Variants in DPF1 observed in about 807,000 individuals in gnomAD.
DPF1 encodes the protein zinc finger protein neuro-d4.
In DPF1, 14 loss-of-function variants were observed where a neutral mutation model predicts 58.7. The observed-to-expected ratio is 0.24, with a 90% CI of 0.16 to 0.37. The LOEUF is 0.37. Among genes scored for constraint, DPF1 ranks in the 10% least tolerant of loss-of-function variants. The pLI, the probability that DPF1 is intolerant of heterozygous loss-of-function variation, is 1.00. For synonymous variants in DPF1, 216 were observed against 216.0 expected (o/e 1.00, Z 0.00); for missense variants, 345 against 529.9 (o/e 0.65, Z 3.43).
At chr19:38,217,108 G>A (rs1344267444) in intron 7 of DPF1, among the ~76,000 whole-genome samples, 2 of 152,108 alleles carry the variant, frequency 1.3e-5, no homozygotes, top group African/African-American at 4.8e-5. Flanking sequence ...TGGCAAGGGC[G>A]GAAGCCAAGG....
intron 1 of DPF1, 127 bp downstream of exon 1, chr19:38,223,987 C>G (rs1403740382): frequency 1.6e-6 from 2 of 1,257,832 alleles, no homozygotes; most frequent in African/African-American, 3.1e-5. Context: ...CTCGCACCCC[C>G]GCGCAGCCCC....
At chr19:38,226,378 C>G (rs1490884125), upstream of DPF1, among the ~76,000 whole-genome samples, 1 of 149,728 alleles carries the variant, frequency 6.7e-6, no homozygotes, top group Non-Finnish European at 1.5e-5. Context: ...CGCCCACAAA[C>G]GCCCTCATCC....
chr19:38,222,393 C>T lies in DPF1; in HGVS notation c.262G>A (p.Glu88Lys), dbSNP rs1967553947. The T allele has an allele frequency of 1.3e-6, 2 of 1,589,058 alleles. No homozygotes were observed. Among genetic ancestry groups the T allele is most frequent in the African/African-American group, 1.4e-5 (1 of 71,890 alleles). The change falls in exon 3 of 12, where the codon GAG (glutamate) becomes AAG (lysine). Residue 88 changes from glutamate to lysine, a missense_variant. Glu to Lys is a moderately conservative substitution (Grantham distance 56, BLOSUM62 1). Transcript: ENST00000355526. This position sits in a 1 kb window ranked among gnomAD's most constrained non-coding sequence, Gnocchi z 4.9. Reference protein sequence around the residue: ...WRKKRRLNILEDPRLRPCEYK... With the variant: ...WRKKRRLNILKDPRLRPCEYK... Reference sequence around the variant, plus strand: ...TCGCAGGGCCTGAGTCTGGGGTCCTCCAGGATGTTGAGTCTCCGTTTCTTC... The same window carrying T: ...TCGCAGGGCCTGAGTCTGGGGTCCTTCAGGATGTTGAGTCTCCGTTTCTTC...
intron 11 of DPF1, 43 bp downstream of exon 11, chr19:38,212,237 T>TGGGGGGGGGGGGGGGGGGGC: frequency 8.0e-7 from 1 of 1,256,804 alleles, no homozygotes; most frequent in Non-Finnish European, 1.1e-6. Flanking sequence ...GGAGATGGCG[T>TGGGGGGGGGGGGGGGGGGGC]TCCCACCCAC....
intron 9 of DPF1, among the ~76,000 whole-genome samples, chr19:38,214,148 C>T (rs1203420017): frequency 6.6e-6 from 1 of 152,188 alleles, no homozygotes; most frequent in Non-Finnish European, 1.5e-5. Context: ...ACCACAGCAA[C>T]GTGGCAACCA....
chr19:38,225,669 A>T (rs1967786857), upstream of DPF1, among the ~76,000 whole-genome samples: 1 of 151,994 alleles, frequency 6.6e-6, no homozygotes, highest in Non-Finnish European at 1.5e-5. Context: ...CTGAGATGAG[A>T]GGACCGCTTG....
Position 38,219,032 on chromosome 19 carries a change from C to T in DPF1, c.325G>A (p.Gly109Ser). ...IDCEAPLKKE[G>S]GLPEGPVLEA... ...AGGACCGGCCCTTCCGGGAGGCCAC[C>T]CTCCTTCTTCAGGGGTGCTTCACAG... is the stretch of plus-strand genomic sequence containing the variant. The change falls in exon 4 of 12, where the codon GGT becomes AGT. Residue 109 changes from glycine to serine, a missense_variant. By Grantham distance (56) the Gly-to-Ser change is moderately conservative. Transcript: ENST00000355526. 6.2e-7 allele frequency: 1 copy of T among 1,614,140 alleles called. No individual in the cohort carries two copies. The highest frequency in any genetic ancestry group is 1.1e-5 in the South Asian group (1 of 91,088).
At chr19:38,212,220 A>G (rs1027650110) in intron 11 of DPF1, 60 bp downstream of exon 11, 1 of 1,503,650 alleles carries the variant, frequency 6.7e-7, no homozygotes, top group Non-Finnish European at 9.0e-7. Context: ...ACAGTCTTCC[A>G]CAACCAGGAG....
At chr19:38,224,294 C>A (rs1364260740), upstream of DPF1, 4 of 1,265,226 alleles carry the variant, frequency 3.2e-6, no homozygotes, top group Admixed American at 1.3e-4. The surrounding 1 kb of genome is among the most constrained non-coding windows in gnomAD (Gnocchi z 4.5). Flanking sequence ...CCCGCCCGGG[C>A]CATGCTGGGA....
intron 3 of DPF1, among the ~76,000 whole-genome samples, chr19:38,221,066 G>A (rs545533448): frequency 6.6e-6 from 1 of 152,172 alleles, no homozygotes; most frequent in Non-Finnish European, 1.5e-5. Flanking sequence ...AGACACACTC[G>A]GGAGGAGCCG....
At chr19:38,225,028 A>G (rs1217474503), upstream of DPF1, among the ~76,000 whole-genome samples, 1 of 152,218 alleles carries the variant, frequency 6.6e-6, no homozygotes, top group Non-Finnish European at 1.5e-5. Flanking sequence ...AGGCAGGTGG[A>G]TCACCTGAGG....
At chr19:38,218,905 CG>C (rs762251772) in intron 4 of DPF1, 25 bp downstream of exon 4, 4 of 1,612,696 alleles carry the variant, frequency 2.5e-6, no homozygotes, top group Non-Finnish European at 3.4e-6. Flanking sequence ...AGCCATGCAG[CG>C]GGGGTCCCCC....
intron 3 of DPF1, 112 bp from the exon 4 acceptor site, chr19:38,219,170 C>T (rs1048048240): frequency 2.7e-6 from 4 of 1,482,156 alleles, no homozygotes; most frequent in Middle Eastern, 1.9e-4. Flanking sequence ...GCTGCAGAGG[C>T]AAGGATTTAA....
rs2146106087 is a variant in DPF1 at position 38,212,298 on chromosome 19, TG to T, written c.1074del (p.Met359TrpfsTer18). 1 of 1,348,304 alleles carries T rather than the reference TG, an allele frequency of 7.4e-7. No homozygotes were observed. Among genetic ancestry groups the T allele is most frequent in the Non-Finnish European group, 9.6e-7 (1 of 1,042,000 alleles). The allele number at this position is 1,348,304 out of a possible 1,614,324, so 83.5% of individuals were successfully genotyped here. ...RGYHMYCLSP[P>X]MAEPPEGSWS... ...CTCTCACCTTCCGGGGGCTCCGCCA[TG>T]GGGGGACTCAGGCAGTACATGTGGT... On this transcript the variant is annotated frameshift_variant, in exon 11 of 12. Transcript: ENST00000355526. LOFTEE classifies it high-confidence loss of function.
intron 9 of DPF1, 188 bp from the exon 10 acceptor site, chr19:38,213,944 A>G: frequency 1.7e-6 from 1 of 579,500 alleles, no homozygotes; most frequent in Non-Finnish European, 3.1e-6. Flanking sequence ...CGGCCACCAC[A>G]GTCTCCTACC....
intron 9 of DPF1, among the ~76,000 whole-genome samples, chr19:38,215,743 A>AT (rs1260584979): frequency 6.6e-6 from 1 of 151,894 alleles, no homozygotes; most frequent in Non-Finnish European, 1.5e-5. Flanking sequence ...TAATTTTTAA[A>AT]TTTTTTGTAG....
upstream of DPF1, among the ~76,000 whole-genome samples, chr19:38,226,238 GT>G (rs1967812042): frequency 1.2e-5 from 1 of 81,562 alleles, no homozygotes. Flanking sequence ...CCACCACCCC[GT>G]CCCCCCTCCC....
intron 5 of DPF1, among the ~76,000 whole-genome samples, chr19:38,218,088 G>C (rs1967173339): frequency 6.6e-6 from 1 of 152,180 alleles, no homozygotes; most frequent in Non-Finnish European, 1.5e-5. Flanking sequence ...TGTAGTCCCA[G>C]CTACTCGGGA....
At chr19:38,226,660 A>G (rs144911353), upstream of DPF1, among the ~76,000 whole-genome samples, 127 of 152,142 alleles carry the variant, frequency 8.3e-4, 2 homozygotes, top group Middle Eastern at 0.01. Context: ...AGTGGTGACA[A>G]GGGGATTAAG....
Sources: allele counts gnomAD v4.1 joint callset (sites outside exome capture counted in the v4.1 genomes callset), GRCh38; gene constraint gnomAD v4.1.1; non-coding constraint Gnocchi (gnomAD v3.1); transcripts MANE v1.5; gene names NCBI Gene and HGNC (gene_info 2026-07-23, HGNC 2026-07-21).